NAV2: variants seen among roughly 807,000 people sequenced by gnomAD.
NAV2 encodes neuron navigator 2.
In NAV2, 54 loss-of-function variants were observed where a neutral mutation model predicts 223.2. The ratio of observed to expected loss-of-function variants is 0.24; its 90% CI spans 0.19 to 0.30. NAV2 has a LOEUF of 0.30. Among genes scored for constraint, NAV2 ranks in the 10% least tolerant of loss-of-function variants. NAV2 has a pLI of 1.00. For missense variants in NAV2, 2,806 were observed against 3,147.5 expected, an observed-to-expected ratio of 0.89 and a Z score of 2.60; for synonymous variants, 1,279 against 1,239.3, an observed-to-expected ratio of 1.03 and a Z score of -0.67.
intron 1 of NAV2, among the ~76,000 whole-genome samples, chr11:19,774,319 G>T (rs780072640): frequency 6.6e-6 from 1 of 152,174 alleles, no homozygotes; most frequent in Non-Finnish European, 1.5e-5. Context: ...TGGGACTAAG[G>T]CATGCACAAT....
At chr11:19,915,754 G>A (rs1227213080) in intron 6 of NAV2, among the ~76,000 whole-genome samples, 1 of 152,108 alleles carries the variant, frequency 6.6e-6, no homozygotes, top group Non-Finnish European at 1.5e-5. Context: ...TTATCTTGTT[G>A]GTCCTTCATG....
chr11:19,571,716 A>G (rs1255872331), intron 1 of NAV2, among the ~76,000 whole-genome samples: 13 of 152,218 alleles, frequency 8.5e-5, no homozygotes, highest in African/African-American at 3.1e-4. Flanking sequence ...CAAAAAAGAA[A>G]AAAAAAAAAG....
intron 22 of NAV2, among the ~76,000 whole-genome samples, chr11:20,077,313 A>G (rs569004523): frequency 5.3e-5 from 8 of 152,224 alleles, no homozygotes. Flanking sequence ...AGAACATTTC[A>G]GGTAGAGGGG....
chr11:19,562,979 C>T (rs541991630), intron 1 of NAV2, among the ~76,000 whole-genome samples: 1 of 152,222 alleles, frequency 6.6e-6, no homozygotes, highest in South Asian at 2.1e-4. Context: ...GCCAAGACAC[C>T]TCACCTACCT....
intron 1 of NAV2, among the ~76,000 whole-genome samples, chr11:19,776,577 G>GGGGTGTGT (rs371411356): frequency 8.6e-6 from 1 of 116,122 alleles, no homozygotes; most frequent in Non-Finnish European, 1.8e-5. Context: ...CTGGGGCAGG[G>GGGGTGTGT]GTGTGTGTGT....
intron 1 of NAV2, among the ~76,000 whole-genome samples, chr11:19,658,647 C>T (rs943860339): frequency 6.6e-6 from 1 of 152,128 alleles, no homozygotes. Flanking sequence ...TCTGGGTGAG[C>T]CCCAGCAGTA....
rs2045827440 is a variant in NAV2, at chr11:19,584,489, CT to C, written c.75+233465del. Among the ~76,000 whole-genome samples, 4 of 152,164 alleles carry C rather than the reference CT, an allele frequency of 2.6e-5. No individual in the cohort carries two copies. The South Asian group carries it at 8.3e-4, about 32-fold the overall frequency. On this transcript the variant is annotated intron_variant, in intron 1 of 37. Transcript: ENST00000360655. ...TGATGTTAGGTTGTCAATTTTAGAT[CT>C]TTCCTGTTTTCTCTTGTGGGCATTT...
intron 6 of NAV2, among the ~76,000 whole-genome samples, chr11:19,908,261 G>A (rs1387912371): frequency 6.6e-6 from 1 of 152,182 alleles, no homozygotes; most frequent in Non-Finnish European, 1.5e-5. Context: ...ACTAAACAGA[G>A]AGCTTTTGAG....
At chr11:20,084,175 G>T (rs2060271911) in intron 26 of NAV2, among the ~76,000 whole-genome samples, 1 of 152,238 alleles carries the variant, frequency 6.6e-6, no homozygotes, top group Non-Finnish European at 1.5e-5. Context: ...TCGGCTCACT[G>T]CAACTTCTGC....
rs528848496 is a variant in NAV2, at chr11:19,386,044, G to A, written c.75+35017G>A. On this transcript the variant is annotated intron_variant, in intron 1 of 37. Coordinates refer to the NAV2 transcript ENST00000360655. ...CTCCCAAAGTGCTGGGATTACAGGC[G>A]TGAGCCACCACACCCAGCCCAATAT... 5.9e-5 allele frequency among the ~76,000 whole-genome samples: 9 copies of A among 152,232 alleles called. No individual in the cohort carries two copies. In the South Asian group the frequency reaches 6.2e-4, roughly 11 times the overall value.
intron 11 of NAV2, among the ~76,000 whole-genome samples, chr11:20,016,084 A>G (rs1268494244): frequency 6.6e-6 from 1 of 152,232 alleles, no homozygotes; most frequent in Non-Finnish European, 1.5e-5. Context: ...TTAGAATTAA[A>G]TGAGATGAGA....
intron 1 of NAV2, among the ~76,000 whole-genome samples, chr11:19,352,195 T>C (rs1410222135): frequency 1.3e-5 from 2 of 152,208 alleles, no homozygotes; most frequent in East Asian, 3.8e-4. Flanking sequence ...TTTGTGGTGT[T>C]TGATTTATTA....
At position 19,930,504 on chromosome 11, in the gene NAV2, A is replaced by AC. The variant is rs543737261; in HGVS notation, c.932-2667dup. Among the ~76,000 whole-genome samples, 145 of 152,014 alleles carry AC rather than the reference A, an allele frequency of 9.5e-4. 2 individuals carry two copies. The highest frequency in any genetic ancestry group is 9.2e-3 in the Admixed American group (140 of 15,266). On this transcript the variant is annotated intron_variant, in intron 6 of 37. Coordinates refer to ENST00000349880, the MANE Select transcript of NAV2 (RefSeq NM_145117.5). ...GACAGTGTTGCAACCTGCCCCTAAG[A>AC]CCCCCGTCCTTTTCTTTAGCACTAT...
chr11:19,898,035 G>A lies in NAV2; in HGVS notation c.931+5441G>A, dbSNP rs148905863. On this transcript the variant is annotated intron_variant, in intron 6 of 37. Transcript: ENST00000349880. The stretch of plus-strand genomic sequence containing the variant: ...TCTTTTTAAATATTTGTGATATTAC[G>A]TGTTTTCTCTTCCTGTCCTCTCACA... Among the ~76,000 whole-genome samples the A allele has an allele frequency of 1.0e-3, 159 of 151,846 alleles. 1 individual carries two copies. Among genetic ancestry groups the A allele is most frequent in the African/African-American group, 3.6e-3 (148 of 41,390 alleles).
intron 1 of NAV2, among the ~76,000 whole-genome samples, chr11:19,702,258 G>C (rs1284253728): frequency 5.3e-5 from 8 of 152,204 alleles, no homozygotes; most frequent in African/African-American, 1.9e-4. Flanking sequence ...GTTTTTAGTT[G>C]TGTCAGAAGA....
intron 1 of NAV2, among the ~76,000 whole-genome samples, chr11:19,462,865 G>A (rs1852214357): frequency 6.6e-6 from 1 of 152,230 alleles, no homozygotes; most frequent in Non-Finnish European, 1.5e-5. Context: ...CTGAAGCCAA[G>A]AGAAAGCCTC....
chr11:20,088,612 T>C (rs1319319275), intron 26 of NAV2, among the ~76,000 whole-genome samples: 1 of 152,216 alleles, frequency 6.6e-6, no homozygotes, highest in Non-Finnish European at 1.5e-5. Context: ...ACTTTCTTCA[T>C]TTCAGTTTGG....
At chr11:19,938,246 G>T (rs552883284) in intron 7 of NAV2, among the ~76,000 whole-genome samples, 1 of 152,280 alleles carries the variant, frequency 6.6e-6, no homozygotes, top group African/African-American at 2.4e-5. Flanking sequence ...ATGTCATCAC[G>T]TCAGTATTAC....
At chr11:19,402,962 C>T (rs2133326989) in intron 1 of NAV2, among the ~76,000 whole-genome samples, 1 of 152,332 alleles carries the variant, frequency 6.6e-6, no homozygotes, top group South Asian at 2.1e-4. Flanking sequence ...CCATTCATTA[C>T]TAATGCAATC....
Sources: allele counts gnomAD v4.1 joint callset (sites outside exome capture counted in the v4.1 genomes callset), GRCh38; gene constraint gnomAD v4.1.1; transcripts MANE v1.5; gene names NCBI Gene and HGNC (gene_info 2026-07-23, HGNC 2026-07-21).